The following VPS13B variants were observed in gnomAD, a reference collection of about 807,000 sequenced individuals.
VPS13B encodes the protein intermembrane lipid transfer protein VPS13B.
In VPS13B, 285 loss-of-function variants were observed where a neutral mutation model predicts 426.4. The ratio of observed to expected loss-of-function variants is 0.67; its 90% CI spans 0.61 to 0.74. The LOEUF is 0.74. Among genes scored for constraint, VPS13B ranks in the 30% least tolerant of loss-of-function variants. The probability of loss-of-function intolerance (pLI) is 0.00; values close to 1 mark genes in which losing one functional copy is unlikely to be tolerated. For synonymous variants in VPS13B, 1,676 were observed against 1,676.4 expected, an observed-to-expected ratio of 1.00 and a Z score of 0.01; for missense variants, 4,537 against 4,782.6, an observed-to-expected ratio of 0.95 and a Z score of 1.51.
At chr8:99,478,447 G>GTTTTTTTTTTGTTTTTTTTTTTTTTTT (rs1819824252) in intron 24 of VPS13B, among the ~76,000 whole-genome samples, 1 of 85,778 alleles carries the variant, frequency 1.2e-5, no homozygotes, top group African/African-American at 5.1e-5. Context: ...TTTTTGTTTT[G>GTTTTTTTTTTGTTTTTTTTTTTTTTTT]TTTTTTTTTT....
intron 19 of VPS13B, chr8:99,340,293 C>T (rs147640107): frequency 2.2e-5 from 6 of 277,902 alleles, no homozygotes; most frequent in African/African-American, 9.1e-5. Context: ...TTGTTACAGA[C>T]CCATCAACAC....
intron 35 of VPS13B, among the ~76,000 whole-genome samples, chr8:99,667,039 ATATTT>A (rs1830516536): frequency 6.6e-6 from 1 of 152,204 alleles, no homozygotes; most frequent in Non-Finnish European, 1.5e-5. Context: ...TAGTGATAAT[ATATTT>A]AGAGATTTAA....
At chr8:99,483,763 T>C (rs1290080652) in intron 25 of VPS13B, among the ~76,000 whole-genome samples, 1 of 152,162 alleles carries the variant, frequency 6.6e-6, no homozygotes, top group Admixed American at 6.6e-5. Flanking sequence ...GGAAATGTGT[T>C]TTTTTGAAAG....
intron 29 of VPS13B, among the ~76,000 whole-genome samples, chr8:99,515,713 T>G (rs2133650756): frequency 6.6e-6 from 1 of 152,204 alleles, no homozygotes; most frequent in Middle Eastern, 3.4e-3. Context: ...GTAGAATAAA[T>G]TACCAGCAAA....
At chr8:99,252,895 C>A (rs1461208370) in intron 17 of VPS13B, among the ~76,000 whole-genome samples, 1 of 151,994 alleles carries the variant, frequency 6.6e-6, no homozygotes, top group Middle Eastern at 3.2e-3. Flanking sequence ...GAGTTTTTAG[C>A]AAATTCATAT....
chr8:99,497,165 A>T (rs1358614453), intron 25 of VPS13B, among the ~76,000 whole-genome samples: 11 of 139,782 alleles, frequency 7.9e-5, no homozygotes, highest in Admixed American at 7.4e-5. Flanking sequence ...ATATAAAAAT[A>T]TATTTATATA....
At chr8:99,585,469 T>C (rs549088975) in intron 33 of VPS13B, among the ~76,000 whole-genome samples, 2 of 152,248 alleles carry the variant, frequency 1.3e-5, no homozygotes, top group South Asian at 4.1e-4. Context: ...TCCAGCAACA[T>C]AGAATGAATT....
chr8:99,654,378 C>CTAGA (rs1434229365), intron 34 of VPS13B, among the ~76,000 whole-genome samples: 1 of 152,112 alleles, frequency 6.6e-6, no homozygotes, highest in Non-Finnish European at 1.5e-5. Context: ...TTTAATGGAT[C>CTAGA]TAGATTCCTT....
intron 43 of VPS13B, among the ~76,000 whole-genome samples, chr8:99,803,002 TAAAGG>T (rs746937425): frequency 7.9e-5 from 12 of 152,194 alleles, no homozygotes; most frequent in Non-Finnish European, 1.2e-4. Flanking sequence ...TAATGTCTAA[TAAAGG>T]AAAGCTGTTT....
At chr8:99,807,582 A>T (rs1813466752) in intron 43 of VPS13B, among the ~76,000 whole-genome samples, 2 of 152,192 alleles carry the variant, frequency 1.3e-5, no homozygotes, top group South Asian at 4.1e-4. Context: ...CTCTGTTACT[A>T]ACATTTAAAC....
At chr8:99,766,066 CTT>C (rs71274933) in intron 39 of VPS13B, among the ~76,000 whole-genome samples, 12 of 52,338 alleles carry the variant, frequency 2.3e-4, no homozygotes, top group Admixed American at 5.3e-4. Context: ...ACCTTCATTA[CTT>C]TTTTTTTTTT....
At chr8:99,171,161 C>A (rs1812307825) in intron 16 of VPS13B, among the ~76,000 whole-genome samples, 1 of 151,868 alleles carries the variant, frequency 6.6e-6, no homozygotes, top group African/African-American at 2.4e-5. Flanking sequence ...AATGATAATT[C>A]TTAATTTCTA....
intron 3 of VPS13B, among the ~76,000 whole-genome samples, chr8:99,050,229 C>T (rs1843460566): frequency 6.6e-6 from 1 of 151,910 alleles, no homozygotes; most frequent in Non-Finnish European, 1.5e-5. Context: ...GTTCCCCTTC[C>T]TGTGTCTATG....
rs1408903435 is a variant in VPS13B at position 99,036,165 on chromosome 8, A to G, written c.148-2258A>G. On this transcript the variant is annotated intron_variant, in intron 2 of 61. Transcript: ENST00000357162. The stretch of plus-strand genomic sequence containing the variant: ...TTAAAATTTGATGTCTCATTTTTCT[A>G]TTTTTGCTTTTGTTGCCTGTTATGT... Among the ~76,000 whole-genome samples the G allele has an allele frequency of 4.6e-5, 7 of 151,368 alleles. No individual in the cohort carries two copies. In the East Asian group the frequency reaches 1.4e-3, roughly 29 times the overall value.
rs889115552 is a variant in VPS13B at position 99,202,865 on chromosome 8, T to TA, written c.2515+9818dup. On this transcript the variant is annotated intron_variant, in intron 17 of 61. Coordinates refer to ENST00000357162, the MANE Select transcript of VPS13B (RefSeq NM_152564.5). ...TAACACGGTGAAACCCTGTCTCTAC[T>TA]AAAAAAAAAATACAAAAAATTAACT... Among the ~76,000 whole-genome samples the TA allele has an allele frequency of 7.8e-4, 115 of 147,422 alleles. 1 individual carries two copies. Among genetic ancestry groups the TA allele is most frequent in the South Asian group, 3.2e-3 (15 of 4,630 alleles).
At chr8:99,043,825 T>C (rs919970147) in intron 3 of VPS13B, among the ~76,000 whole-genome samples, 1 of 152,148 alleles carries the variant, frequency 6.6e-6, no homozygotes, top group Non-Finnish European at 1.5e-5. Context: ...GCCAATCCCT[T>C]TATGGTTATG....
chr8:99,529,878 T>G (rs1372441743), intron 30 of VPS13B, among the ~76,000 whole-genome samples: 1 of 152,248 alleles, frequency 6.6e-6, no homozygotes, highest in Non-Finnish European at 1.5e-5. Flanking sequence ...TGTATCTTCC[T>G]CTCTGATCTG....
chr8:99,722,105 G>T (rs1331910812), intron 39 of VPS13B, among the ~76,000 whole-genome samples: 1 of 152,162 alleles, frequency 6.6e-6, no homozygotes, highest in African/African-American at 2.4e-5. Context: ...GTTCATGCCA[G>T]TTTCTCCCTT....
In VPS13B at chr8:99,486,200, C is replaced by T. The variant is rs143819537; in HGVS notation, c.3870+4398C>T. ...TCATATAAGTAGTATGCACGACGTCCCACACAAGCAAATAATAGCATTTAG... is the reference window on the plus strand; with the variant it reads ...TCATATAAGTAGTATGCACGACGTCTCACACAAGCAAATAATAGCATTTAG... On this transcript the variant is annotated intron_variant, in intron 25 of 61. Coordinates refer to ENST00000357162, the MANE Select transcript of VPS13B (RefSeq NM_152564.5). Among the ~76,000 whole-genome samples, 927 of 151,916 alleles carry T rather than the reference C, an allele frequency of 6.1e-3. 13 individuals are homozygous for T. Among genetic ancestry groups the T allele is most frequent in the African/African-American group, 0.021 (882 of 41,450 alleles).
Sources: gnomAD v4.1 joint callset for allele counts (sites outside exome capture counted in the v4.1 genomes callset) on GRCh38, gnomAD v4.1.1 for gene constraint, MANE v1.5 for transcripts, NCBI Gene and HGNC (gene_info 2026-07-23, HGNC 2026-07-21) for gene names.